Variants in MGAT4C observed in about 807,000 individuals in gnomAD.
MGAT4C encodes the protein alpha-1,3-mannosyl-glycoprotein 4-beta-N-acetylglucosaminyltransferase C.
A neutral mutation model predicts 40.1 loss-of-function variants in MGAT4C; 19 were observed. The observed-to-expected ratio is 0.47, with a 90% CI of 0.33 to 0.70. MGAT4C has a LOEUF of 0.70. MGAT4C is among the 30% of genes least tolerant of loss of function. MGAT4C has a pLI of 0.02. For synonymous variants in MGAT4C, 181 were observed against 187.1 expected (o/e 0.97, Z 0.27); for missense variants, 491 against 563.2 (o/e 0.87, Z 1.30).
intron 1 of MGAT4C, among the ~76,000 whole-genome samples, chr12:86,160,997 A>G (rs569366818): frequency 2.4e-4 from 36 of 152,196 alleles, no homozygotes; most frequent in African/African-American, 7.9e-4. Context: ...TGAATACAAC[A>G]GATGGCAGAG....
intron 1 of MGAT4C, among the ~76,000 whole-genome samples, chr12:86,072,725 T>A (rs1014803480): frequency 2.6e-5 from 4 of 152,070 alleles, no homozygotes; most frequent in Admixed American, 1.3e-4. Flanking sequence ...AATTTCCAGA[T>A]TGAACAAAAG....
At chr12:86,624,192 C>A (rs1056134063) in intron 2 of MGAT4C, among the ~76,000 whole-genome samples, 2 of 152,130 alleles carry the variant, frequency 1.3e-5, no homozygotes, top group African/African-American at 2.4e-5. Context: ...GGCCTACCCA[C>A]AAATTTAAAA....
chr12:86,383,510 C>T (rs570635543), intron 3 of MGAT4C, among the ~76,000 whole-genome samples: 15 of 132,060 alleles, frequency 1.1e-4, no homozygotes, highest in East Asian at 1.0e-3. Context: ...AAGATCACGC[C>T]GCTGCACTCC....
chr12:86,582,375 A>G lies in MGAT4C; in HGVS notation c.-229+144834T>C, dbSNP rs1960820683. Among the ~76,000 whole-genome samples, 5 of 151,420 alleles carry G rather than the reference A, an allele frequency of 3.3e-5. No homozygotes were observed. In the South Asian group the frequency reaches 1.0e-3, roughly 31 times the overall value. On this transcript the variant is annotated intron_variant, in intron 2 of 7. Transcript: ENST00000548651. ...CCTTAGGTGAAGCTGAGTCAATGAG[A>G]ACTTACATGGAGTATGTTTAGACCT...
At chr12:86,704,526 A>ATC (rs1950422615) in intron 2 of MGAT4C, among the ~76,000 whole-genome samples, 2 of 152,162 alleles carry the variant, frequency 1.3e-5, no homozygotes, top group African/African-American at 4.8e-5. Flanking sequence ...TTATGTGCTC[A>ATC]TCACTGTATT....
chr12:86,318,280 T>C (rs559008784), intron 4 of MGAT4C, among the ~76,000 whole-genome samples: 137 of 152,326 alleles, frequency 9.0e-4, no homozygotes, highest in African/African-American at 3.2e-3. Flanking sequence ...TACTATTTCT[T>C]TTGAGCCTGA....
At chr12:86,403,332 C>T (rs1956405781) in intron 3 of MGAT4C, among the ~76,000 whole-genome samples, 1 of 152,206 alleles carries the variant, frequency 6.6e-6, no homozygotes, top group South Asian at 2.1e-4. Context: ...ATGGAAGTCT[C>T]TGGAACCATT....
At chr12:86,118,264 G>A (rs955614346) in intron 1 of MGAT4C, among the ~76,000 whole-genome samples, 14 of 152,140 alleles carry the variant, frequency 9.2e-5, no homozygotes, top group Non-Finnish European at 1.8e-4. Context: ...AGACTTCCAG[G>A]AAGTTTGCAA....
intron 2 of MGAT4C, among the ~76,000 whole-genome samples, chr12:86,631,654 A>G (rs1251224992): frequency 1.3e-5 from 2 of 152,070 alleles, no homozygotes; most frequent in Non-Finnish European, 2.9e-5. Flanking sequence ...AGAAATGGGG[A>G]AAGGATTCCC....
chr12:86,769,945 T>A (rs1261182915), intron 1 of MGAT4C, among the ~76,000 whole-genome samples: 1 of 152,016 alleles, frequency 6.6e-6, no homozygotes. Flanking sequence ...CACACCAGCA[T>A]GGCACACGTA....
intron 1 of MGAT4C, among the ~76,000 whole-genome samples, chr12:86,160,662 T>C (rs1363446275): frequency 1.3e-5 from 2 of 152,056 alleles, no homozygotes; most frequent in Admixed American, 1.3e-4. Flanking sequence ...TATTTAACAC[T>C]GTCAGTGGAG....
chr12:86,250,512 CAG>C (rs3991245), intron 1 of MGAT4C, among the ~76,000 whole-genome samples: 98,865 of 151,778 alleles, frequency 0.65, 32,916 homozygotes, highest in South Asian at 0.77. Flanking sequence ...TGTTGAAAAG[CAG>C]AGACTGTTGG....
At chr12:86,432,882 C>T (rs1224991542) in intron 3 of MGAT4C, among the ~76,000 whole-genome samples, 1 of 151,896 alleles carries the variant, frequency 6.6e-6, no homozygotes. Flanking sequence ...TATAATATTT[C>T]CTGTTCAACT....
At chr12:86,838,047 G>A (rs926924290) in intron 1 of MGAT4C, among the ~76,000 whole-genome samples, 1 of 152,128 alleles carries the variant, frequency 6.6e-6, no homozygotes, top group African/African-American at 2.4e-5. Flanking sequence ...TAATTTTGTA[G>A]CATAATTAAC....
chr12:86,224,317 G>T (rs61949037), intron 1 of MGAT4C, among the ~76,000 whole-genome samples: 11,159 of 152,060 alleles, frequency 0.073, 573 homozygotes, highest in Middle Eastern at 0.22. Context: ...AATATTACTA[G>T]ATCTAAATAA....
chr12:86,259,933 A>G (rs868848864), upstream of MGAT4C, among the ~76,000 whole-genome samples: 43 of 7,884 alleles, frequency 5.5e-3, no homozygotes, highest in Middle Eastern at 0.075. Flanking sequence ...ACATTGTTAC[A>G]ATTGTAACAC....
chr12:86,300,027 A>G (rs1953772199), intron 4 of MGAT4C, among the ~76,000 whole-genome samples: 1 of 152,204 alleles, frequency 6.6e-6, no homozygotes, highest in African/African-American at 2.4e-5. Context: ...TTCAGACCTG[A>G]ATTTCAATTT....
intron 1 of MGAT4C, among the ~76,000 whole-genome samples, chr12:86,810,789 T>C (rs1952456820): frequency 6.6e-6 from 1 of 152,040 alleles, no homozygotes; most frequent in Non-Finnish European, 1.5e-5. Context: ...GAGATATATG[T>C]CTATAGTTTT....
At chr12:86,641,262 T>C (rs1162810646) in intron 2 of MGAT4C, among the ~76,000 whole-genome samples, 3 of 151,470 alleles carry the variant, frequency 2.0e-5, no homozygotes, top group South Asian at 2.1e-4. Flanking sequence ...AGTAAACTAT[T>C]GCAAGAACAA....
Sources: allele counts gnomAD v4.1 joint callset (sites outside exome capture counted in the v4.1 genomes callset), GRCh38; gene constraint gnomAD v4.1.1; transcripts MANE v1.5; gene names NCBI Gene and HGNC (gene_info 2026-07-23, HGNC 2026-07-21).